Variants in PRRG1 observed in about 807,000 individuals in gnomAD.
PRRG1 encodes the protein transmembrane gamma-carboxyglutamic acid protein 1.
A neutral mutation model predicts 11.8 loss-of-function variants in PRRG1; 5 were observed. The observed-to-expected ratio is 0.42, with a 90% CI of 0.22 to 0.89. The LOEUF is 0.89. Ranked by LOEUF, PRRG1 falls within the 40% of genes least tolerant of loss-of-function variation. The pLI is 0.28. For synonymous variants in PRRG1, 66 were observed against 60.4 expected (o/e 1.09, Z -0.43); for missense variants, 155 against 166.1 (o/e 0.93, Z 0.37).
intron 1 of PRRG1, among the ~76,000 whole-genome samples, chrX:37,400,470 T>G (rs1315125961): frequency 9.1e-6 from 1 of 110,190 alleles, no homozygotes; most frequent in African/African-American, 3.3e-5. Context: ...ATCTCTGGGA[T>G]GCATTCAAAG....
intron 3 of PRRG1, among the ~76,000 whole-genome samples, chrX:37,433,570 T>C (rs1170934889): frequency 1.4e-5 from 1 of 71,861 alleles, no homozygotes; most frequent in Non-Finnish European, 2.2e-5. Flanking sequence ...ATCTATTTGT[T>C]TTTTTTTTTA....
chrX:37,351,707 TAAAGGGAAAATAGGGATCAGAA>T (rs1930073124), intron 1 of PRRG1, among the ~76,000 whole-genome samples: 2 of 111,288 alleles, frequency 1.8e-5, no homozygotes, highest in Non-Finnish European at 3.8e-5. Context: ...ACTCTACAGA[TAAAGGGAAAATAGGGATCAGAA>T]AAAGGTGAAG....
chrX:37,401,918 C>G (rs1474741464), intron 1 of PRRG1, among the ~76,000 whole-genome samples: 1 of 110,394 alleles, frequency 9.1e-6, no homozygotes, highest in African/African-American at 3.3e-5. Flanking sequence ...CCTAGGAATC[C>G]AACTTACAAG....
intron 1 of PRRG1, among the ~76,000 whole-genome samples, chrX:37,356,059 A>G (rs145997475): frequency 0.02 from 2,232 of 112,603 alleles, 54 homozygotes; most frequent in African/African-American, 0.068. Context: ...ACAGTATATA[A>G]AACAGTTATA....
At chrX:37,415,559 A>G (rs1556384990) in intron 2 of PRRG1, among the ~76,000 whole-genome samples, 1 of 112,260 alleles carries the variant, frequency 8.9e-6, no homozygotes, top group Non-Finnish European at 1.9e-5. Flanking sequence ...TTTATTGAAT[A>G]TAATCAAAAT....
At chrX:37,416,640 T>C (rs1238112200) in intron 2 of PRRG1, among the ~76,000 whole-genome samples, 1 of 112,173 alleles carries the variant, frequency 8.9e-6, no homozygotes, top group Non-Finnish European at 1.9e-5. Flanking sequence ...ATTGTGTGCT[T>C]AGTCATGACA....
At chrX:37,403,686 A>AAC (rs201177735) in intron 1 of PRRG1, 37 of 563,502 alleles carry the variant, frequency 6.6e-5, no homozygotes, top group Non-Finnish European at 7.7e-5. Flanking sequence ...AATGAATCTT[A>AAC]ACACACACAC....
intron 1 of PRRG1, among the ~76,000 whole-genome samples, chrX:37,394,112 A>G (rs1931637325): frequency 8.9e-6 from 1 of 112,469 alleles, no homozygotes; most frequent in Non-Finnish European, 1.9e-5. Flanking sequence ...TTTTGTACCT[A>G]TCTCATAGAG....
At chrX:37,373,220 T>A (rs1930826919) in intron 1 of PRRG1, among the ~76,000 whole-genome samples, 1 of 112,215 alleles carries the variant, frequency 8.9e-6, no homozygotes, top group South Asian at 3.7e-4. Flanking sequence ...TATTTTGAAG[T>A]CAAGTACTGT....
At chrX:37,418,182 G>T (rs962894070) in intron 2 of PRRG1, among the ~76,000 whole-genome samples, 1 of 111,847 alleles carries the variant, frequency 8.9e-6, no homozygotes, top group Non-Finnish European at 1.9e-5. Context: ...ACAAATTCAG[G>T]GCCTTTTTAC....
At chrX:37,379,058 T>TTTTTTTTTTTTTTTA (rs1931072902) in intron 1 of PRRG1, among the ~76,000 whole-genome samples, 1 of 83,991 alleles carries the variant, frequency 1.2e-5, no homozygotes. Flanking sequence ...TTTTTTTTTT[T>TTTTTTTTTTTTTTTA]AGCATGGGAT....
At chrX:37,407,094 C>T (rs1208922015) in intron 2 of PRRG1, among the ~76,000 whole-genome samples, 5 of 111,548 alleles carry the variant, frequency 4.5e-5, no homozygotes, top group South Asian at 7.6e-4. Context: ...CTGATTGATC[C>T]GGGTGGTCCT....
intron 1 of PRRG1, among the ~76,000 whole-genome samples, chrX:37,402,822 C>T (rs1477966117): frequency 4.5e-5 from 5 of 111,165 alleles, no homozygotes; most frequent in Non-Finnish European, 9.5e-5. Context: ...GGGCAAAGGA[C>T]ATGAACAGAC....
intron 1 of PRRG1, among the ~76,000 whole-genome samples, chrX:37,405,692 ACT>A (rs781813152): frequency 9.0e-6 from 1 of 110,828 alleles, no homozygotes; most frequent in African/African-American, 3.3e-5. Context: ...ATTGGAAATA[ACT>A]CTGTGGGCTG....
chrX:37,440,347 A>G (rs1184645338), intron 3 of PRRG1, among the ~76,000 whole-genome samples: 2 of 111,817 alleles, frequency 1.8e-5, no homozygotes, highest in Admixed American at 9.5e-5. Context: ...AGAACCTACA[A>G]TATAATTAGG....
In PRRG1 at chrX:37,385,792, G is replaced by A. The variant is rs1338024415; in HGVS notation, c.-41-20417G>A. On this transcript the variant is annotated intron_variant, in intron 1 of 3. Transcript: ENST00000378628. ...TTTTTTGTTTTTCAGACGGAGTCTC[G>A]CTCTGTCGTCCAGGCTGGAGTGCAG... Among the ~76,000 whole-genome samples the A allele has an allele frequency of 7.5e-5, 8 of 106,934 alleles. No homozygotes were observed. In the East Asian group the frequency reaches 1.2e-3, roughly 16 times the overall value. 92.9% of individuals were successfully genotyped at this position (106,934 alleles called of 115,157 possible).
chrX:37,362,514 C>A (rs1335377357), intron 1 of PRRG1, among the ~76,000 whole-genome samples: 3 of 111,523 alleles, frequency 2.7e-5, no homozygotes, highest in South Asian at 7.5e-4. Flanking sequence ...CCTAGAAAGC[C>A]CCATCTAGCC....
Position 37,453,553 on chromosome X carries a change from G to A in PRRG1, c.589G>A (p.Glu197Lys). 8.3e-7 allele frequency: 1 copy of A among 1,209,974 alleles called. No individual in the cohort carries two copies. The highest frequency in any genetic ancestry group is 1.1e-6 in the Non-Finnish European group (1 of 894,426). Residue 197 changes from glutamate to lysine, a missense_variant, in exon 4 of 4, where the codon GAG becomes AAG. Glu to Lys is a moderately conservative substitution (Grantham distance 56). Coordinates refer to ENST00000378628, the MANE Select transcript of PRRG1 (RefSeq NM_001142395.2). ...EPHLDPPPEY[E>K]DIVNSNSASA... The stretch of plus-strand genomic sequence containing the variant: ...TCATTTAGACCCACCCCCAGAGTAT[G>A]AGGACATAGTCAACTCCAACTCAGC...
At chrX:37,441,071 T>A in intron 3 of PRRG1, 1 of 946,071 alleles carries the variant, frequency 1.1e-6, no homozygotes, top group South Asian at 5.4e-5. Flanking sequence ...TGCCCGGCCA[T>A]CTATTTTAAA....
Sources: allele counts gnomAD v4.1 joint callset (sites outside exome capture counted in the v4.1 genomes callset), GRCh38; gene constraint gnomAD v4.1.1; transcripts MANE v1.5; gene names NCBI Gene and HGNC (gene_info 2026-07-23, HGNC 2026-07-21).